Variants in ZFAND3 observed in about 807,000 individuals in gnomAD.
The protein encoded by ZFAND3 is AN1-type zinc finger protein 3.
Under a neutral mutation model 29.6 loss-of-function variants are expected in ZFAND3, and 10 were observed. The observed-to-expected ratio is 0.34, with a 90% CI of 0.21 to 0.57. The LOEUF (loss-of-function observed/expected upper bound fraction) is 0.57, where lower values mean the gene tolerates loss of function less well. Ranked by LOEUF, ZFAND3 falls within the 20% of genes least tolerant of loss-of-function variation. The pLI is 0.86. For synonymous variants in ZFAND3, 128 were observed against 112.6 expected, an observed-to-expected ratio of 1.14 and a Z score of -0.87; for missense variants, 230 against 304.5, an observed-to-expected ratio of 0.76 and a Z score of 1.82.
chr6:38,103,348 G>GTATA (rs5875613), intron 4 of ZFAND3, among the ~76,000 whole-genome samples: 39 of 143,636 alleles, frequency 2.7e-4, no homozygotes, highest in East Asian at 4.4e-4. Context: ...GTGTGTGTAT[G>GTATA]TATATATATA....
chr6:38,143,867 A>G (rs1273111249), intron 5 of ZFAND3, among the ~76,000 whole-genome samples: 1 of 152,138 alleles, frequency 6.6e-6, no homozygotes, highest in Non-Finnish European at 1.5e-5. Flanking sequence ...GGAGAATGCA[A>G]AGCAGATGCC....
chr6:38,152,318 A>G lies in ZFAND3; in HGVS notation c.613A>G (p.Ile205Val), dbSNP rs140454525. 1.2e-6 allele frequency: 2 copies of G among 1,610,668 alleles called. No homozygotes were observed. The highest frequency in any genetic ancestry group is 1.7e-5 in the Admixed American group (1 of 59,320). ...CATGGGCCGTGGCCGGGAGGAAGCC[A>G]TCATGAAAATGGTGAAGCTGGACCG... ...DHMGRGREEA[I>V]MKMVKLDRKV... is the part of the protein sequence containing the mutation. The change falls in exon 6 of 6, where the codon ATC becomes GTC. Residue 205 changes from isoleucine (I) to valine (V), a missense_variant. By Grantham distance (29) the Ile-to-Val change is conservative. This residue lies in a region of ZFAND3 where 50 missense variants were observed against 102.0 expected (regional missense o/e 0.49). Coordinates refer to ENST00000287218, the MANE Select transcript of ZFAND3 (RefSeq NM_021943.3).
intron 1 of ZFAND3, among the ~76,000 whole-genome samples, chr6:37,835,401 C>T (rs1763948261): frequency 6.6e-6 from 1 of 151,952 alleles, no homozygotes; most frequent in Admixed American, 6.6e-5. Context: ...CAGTGATCCT[C>T]CTGCCCCAGC....
At chr6:37,995,365 C>T (rs1349540252) in intron 2 of ZFAND3, among the ~76,000 whole-genome samples, 1 of 152,176 alleles carries the variant, frequency 6.6e-6, no homozygotes. Flanking sequence ...GAGTTGTCTT[C>T]AGCAACCTAA....
chr6:38,079,142 T>C (rs760546714), intron 3 of ZFAND3, among the ~76,000 whole-genome samples: 3 of 152,184 alleles, frequency 2.0e-5, no homozygotes, highest in Non-Finnish European at 4.4e-5. Context: ...GGTGCTGACA[T>C]GTTCCTGTTC....
At chr6:38,018,957 C>T (rs1763298482) in intron 2 of ZFAND3, among the ~76,000 whole-genome samples, 2 of 152,046 alleles carry the variant, frequency 1.3e-5, no homozygotes, top group Non-Finnish European at 2.9e-5. Flanking sequence ...TTTATTTTTG[C>T]CAATCTGATA....
At chr6:37,964,853 C>T (rs921529020) in intron 2 of ZFAND3, among the ~76,000 whole-genome samples, 12 of 152,136 alleles carry the variant, frequency 7.9e-5, no homozygotes, top group African/African-American at 2.9e-4. Flanking sequence ...TGTACATCCT[C>T]TCTGAGCCGT....
intron 1 of ZFAND3, among the ~76,000 whole-genome samples, chr6:37,918,209 T>A (rs1272015057): frequency 1.3e-5 from 2 of 152,104 alleles, no homozygotes; most frequent in Non-Finnish European, 2.9e-5. Flanking sequence ...CGCAAGTAGC[T>A]GGGACTACAG....
rs1026024896 is a variant in ZFAND3 at position 37,890,206 on chromosome 6, A to G, written c.72-39753A>G. Among the ~76,000 whole-genome samples the G allele has an allele frequency of 1.1e-4, 16 of 152,234 alleles. 1 individual carries two copies. The highest frequency in any genetic ancestry group is 6.5e-5 in the Admixed American group (1 of 15,286). On this transcript the variant is annotated intron_variant, in intron 1 of 5. Transcript: ENST00000287218. The stretch of plus-strand genomic sequence containing the variant: ...GAAATTAACAATTTTGAATAAGTTT[A>G]TACATGTATGTTTATAAATCCTTTC...
rs374229192 is a variant in ZFAND3 at position 38,078,592 on chromosome 6, A to G, written c.296-3800A>G. On this transcript the variant is annotated intron_variant, in intron 3 of 5. Transcript: ENST00000287218. ...TCCCAAGAACCTGTTGTATTAAGCA[A>G]GGAACTTTGTAATTTTTTTAGACAT... 1.8e-3 allele frequency among the ~76,000 whole-genome samples: 273 copies of G among 152,336 alleles called. 2 individuals are homozygous for G. Among genetic ancestry groups the G allele is most frequent in the African/African-American group, 6.3e-3 (261 of 41,578 alleles).
At chr6:37,877,159 T>C (rs574899586) in intron 1 of ZFAND3, among the ~76,000 whole-genome samples, 2 of 152,340 alleles carry the variant, frequency 1.3e-5, no homozygotes, top group South Asian at 4.1e-4. Flanking sequence ...AGTGGGTGAT[T>C]TATTGTTTAT....
intron 4 of ZFAND3, among the ~76,000 whole-genome samples, chr6:38,110,564 G>A (rs1765295335): frequency 1.3e-5 from 2 of 152,306 alleles, no homozygotes; most frequent in South Asian, 4.1e-4. Flanking sequence ...CAGCAGTGAT[G>A]TGTGAGGGTT....
At chr6:37,992,858 T>A (rs1762784231) in intron 2 of ZFAND3, among the ~76,000 whole-genome samples, 1 of 152,206 alleles carries the variant, frequency 6.6e-6, no homozygotes, top group Admixed American at 6.5e-5. Flanking sequence ...TTGAAGAGTC[T>A]AAGCCTTGAT....
intron 1 of ZFAND3, among the ~76,000 whole-genome samples, chr6:37,843,271 G>A (rs755462653): frequency 6.6e-6 from 1 of 152,044 alleles, no homozygotes; most frequent in Non-Finnish European, 1.5e-5. Flanking sequence ...GGATCACGAG[G>A]TAAGGAGATT....
chr6:37,955,149 T>TTGTG (rs3047089), intron 2 of ZFAND3, among the ~76,000 whole-genome samples: 14,108 of 148,718 alleles, frequency 0.095, 691 homozygotes, highest in African/African-American at 0.13. Context: ...CAACCAATTT[T>TTGTG]TGTGTGTGTG....
intron 5 of ZFAND3, among the ~76,000 whole-genome samples, chr6:38,150,252 C>T (rs1448611376): frequency 6.6e-6 from 1 of 152,184 alleles, no homozygotes; most frequent in East Asian, 1.9e-4. Context: ...AGCTCGGCTT[C>T]TCGGGAGACA....
chr6:37,898,758 GAAATA>G (rs1432338353), intron 1 of ZFAND3, among the ~76,000 whole-genome samples: 2 of 152,168 alleles, frequency 1.3e-5, no homozygotes, highest in South Asian at 2.1e-4. Context: ...TTTAAATGAG[GAAATA>G]AAATTAATTT....
intron 1 of ZFAND3, among the ~76,000 whole-genome samples, chr6:37,865,357 T>C (rs947246872): frequency 6.6e-6 from 1 of 152,172 alleles, no homozygotes. Context: ...ACACGCTCAG[T>C]ACAGGTGCAA....
chr6:37,891,183 G>C (rs909925617), intron 1 of ZFAND3, among the ~76,000 whole-genome samples: 1 of 152,008 alleles, frequency 6.6e-6, no homozygotes, highest in Non-Finnish European at 1.5e-5. Context: ...TTTGTGACTG[G>C]CTTCTTTAAC....
Sources: gnomAD v4.1 joint callset for allele counts (sites outside exome capture counted in the v4.1 genomes callset) on GRCh38, gnomAD v4.1.1 for gene constraint, gnomAD v4.1.1 regional missense constraint, MANE v1.5 for transcripts, NCBI Gene and HGNC (gene_info 2026-07-23, HGNC 2026-07-21) for gene names.